Variants in NEDD9 observed in about 807,000 individuals in gnomAD.
The protein encoded by NEDD9 is enhancer of filamentation 1.
In NEDD9, 26 loss-of-function variants were observed where a neutral mutation model predicts 76.6. The observed-to-expected ratio is 0.34, with a 90% CI of 0.25 to 0.47. The LOEUF (loss-of-function observed/expected upper bound fraction) is 0.47. Ranked by LOEUF, NEDD9 falls within the 20% of genes least tolerant of loss-of-function variation. The pLI, the probability that NEDD9 is intolerant of heterozygous loss-of-function variation, is 1.00. For synonymous variants in NEDD9, 392 were observed against 414.2 expected (o/e 0.95, Z 0.65); for missense variants, 937 against 1,058.5 (o/e 0.89, Z 1.59).
chr6:11,340,730 A>T (rs1051467594), intron 1 of NEDD9, among the ~76,000 whole-genome samples: 1 of 152,210 alleles, frequency 6.6e-6, no homozygotes, highest in African/African-American at 2.4e-5. Context: ...TAGTCAATAG[A>T]TTCTCTCAAT....
At chr6:11,245,834 T>TA (rs1334377202) in intron 3 of NEDD9, among the ~76,000 whole-genome samples, 2 of 152,276 alleles carry the variant, frequency 1.3e-5, no homozygotes, top group East Asian at 3.9e-4. Context: ...TTATGGACCT[T>TA]AAAAAAAGCC....
intron 2 of NEDD9, chr6:11,201,195 G>A (rs1376761265): frequency 1.6e-5 from 13 of 837,900 alleles, no homozygotes; most frequent in Admixed American, 4.2e-5. Context: ...CTGGGATGGG[G>A]CAGAGCAGCG....
intron 2 of NEDD9, among the ~76,000 whole-genome samples, chr6:11,307,523 A>G (rs888329289): frequency 6.6e-6 from 1 of 152,050 alleles, no homozygotes; most frequent in Non-Finnish European, 1.5e-5. Flanking sequence ...TTGCTTCTTT[A>G]GGTACTCACA....
intron 3 of NEDD9, among the ~76,000 whole-genome samples, chr6:11,301,845 C>T (rs1761053433): frequency 6.6e-6 from 1 of 152,186 alleles, no homozygotes; most frequent in Non-Finnish European, 1.5e-5. Context: ...ACACCAGAAT[C>T]TCTGGGATAC....
At chr6:11,324,580 C>T (rs983780629) in intron 2 of NEDD9, among the ~76,000 whole-genome samples, 85 of 152,186 alleles carry the variant, frequency 5.6e-4, no homozygotes, top group Non-Finnish European at 2.1e-4. Flanking sequence ...CCTCTTGAAA[C>T]TTGTATTTTG....
rs150922117 is a variant in NEDD9 at position 11,190,291 on chromosome 6, G to A, written c.1578C>T (p.Asp526=). ...LAINKPQNKC[D]DLDRFVMVAK... ...CCACCATCACAAACCGGTCCAGATC[G>A]TCACACTTGTTCTGGGGCTTGTTGA... is the stretch of plus-strand genomic sequence containing the variant. The change falls in exon 5 of 7, where the codon GAC becomes GAT. Residue 526 remains aspartate, a synonymous_variant. Transcript: ENST00000379446. This position sits in a 1 kb window ranked among gnomAD's most constrained non-coding sequence, Gnocchi z 5.8. 193 of 1,614,122 alleles carry A rather than the reference G, an allele frequency of 1.2e-4. No homozygotes were observed. The highest frequency in any genetic ancestry group is 3.3e-4 in the East Asian group (15 of 44,896).
chr6:11,369,206 T>C (rs1270634413), intron 1 of NEDD9, among the ~76,000 whole-genome samples: 1 of 152,250 alleles, frequency 6.6e-6, no homozygotes, highest in Non-Finnish European at 1.5e-5. Context: ...GCTTTGTGAA[T>C]GTTCCCATGC....
At chr6:11,229,957 A>G (rs1759422575) in intron 1 of NEDD9, among the ~76,000 whole-genome samples, 1 of 152,218 alleles carries the variant, frequency 6.6e-6, no homozygotes, top group African/African-American at 2.4e-5. Flanking sequence ...CCAGATAATC[A>G]GGTTAACAAC....
chr6:11,227,084 T>C (rs1489422882), intron 1 of NEDD9, among the ~76,000 whole-genome samples: 1 of 152,208 alleles, frequency 6.6e-6, no homozygotes, highest in Non-Finnish European at 1.5e-5. Flanking sequence ...AGTCTTGTAA[T>C]TTCAGGAATA....
At chr6:11,378,338 C>T (rs971057629) in intron 1 of NEDD9, among the ~76,000 whole-genome samples, 9 of 152,344 alleles carry the variant, frequency 5.9e-5, no homozygotes, top group African/African-American at 1.7e-4. Context: ...TCATCTTTCA[C>T]CATGACTGTA....
intron 2 of NEDD9, among the ~76,000 whole-genome samples, chr6:11,333,636 C>T (rs767504407): frequency 8.5e-5 from 13 of 152,184 alleles, no homozygotes; most frequent in Non-Finnish European, 7.3e-5. Flanking sequence ...TCCCTCCTGG[C>T]AGGGAAGGCT....
In NEDD9 at chr6:11,377,952, G is replaced by A. The variant is rs377375670; in HGVS notation, c.-214+4187C>T. On this transcript the variant is annotated intron_variant, in intron 1 of 3. Transcript: ENST00000397378. ...TCTTCAATTAGTTTACATGAGATCT[G>A]GTTGTTTAGGCCAGGCGCAGTGGCT... is the stretch of plus-strand genomic sequence containing the variant. 7.9e-5 allele frequency among the ~76,000 whole-genome samples: 12 copies of A among 152,236 alleles called. No individual in the cohort carries two copies. The East Asian group carries it at 9.7e-4, about 12-fold the overall frequency.
intron 1 of NEDD9, among the ~76,000 whole-genome samples, chr6:11,216,347 C>A (rs182644409): frequency 5.4e-4 from 83 of 152,342 alleles, no homozygotes; most frequent in Non-Finnish European, 1.1e-3. Context: ...CTACATCCAG[C>A]CACTCTCCTA....
At chr6:11,209,970 C>CTTTT (rs752612102) in intron 2 of NEDD9, among the ~76,000 whole-genome samples, 3 of 131,072 alleles carry the variant, frequency 2.3e-5, no homozygotes, top group South Asian at 2.6e-4. Context: ...AATTCACTGT[C>CTTTT]TTTTTTTTTT....
intron 1 of NEDD9, among the ~76,000 whole-genome samples, chr6:11,362,015 C>T (rs562089882): frequency 2.0e-5 from 3 of 152,308 alleles, no homozygotes; most frequent in Admixed American, 6.5e-5. Context: ...GTGCTGCTTG[C>T]AATGAACTGA....
At chr6:11,224,433 G>A (rs1025001526) in intron 1 of NEDD9, among the ~76,000 whole-genome samples, 3 of 152,128 alleles carry the variant, frequency 2.0e-5, no homozygotes, top group African/African-American at 4.8e-5. Flanking sequence ...TGAGTGGAGA[G>A]GGTCAGGGAA....
rs1173952322 is a variant in NEDD9, at chr6:11,184,105, T to G, written c.*1057A>C. 6.6e-6 allele frequency: 1 copy of G among 152,178 alleles called. No individual in the cohort carries two copies. The highest frequency in any genetic ancestry group is 1.5e-5 in the Non-Finnish European group (1 of 68,034). The allele number at this position is 152,178 out of a possible 1,614,324, so 9.4% of individuals were successfully genotyped here. On this transcript the variant is annotated 3_prime_UTR_variant, in exon 7 of 7. Transcript: ENST00000379446. ...CTGCATATGTGAGTTTTAAAGAAGGTGCAAGATAGCAATAAATTCCCTTAG... is the reference window on the plus strand; with the variant it reads ...CTGCATATGTGAGTTTTAAAGAAGGGGCAAGATAGCAATAAATTCCCTTAG...
At chr6:11,348,023 C>T (rs1209621309) in intron 1 of NEDD9, among the ~76,000 whole-genome samples, 1 of 152,142 alleles carries the variant, frequency 6.6e-6, no homozygotes, top group Non-Finnish European at 1.5e-5. Flanking sequence ...TGACATGATC[C>T]TATAGCTAGA....
intron 1 of NEDD9, among the ~76,000 whole-genome samples, chr6:11,350,199 A>C (rs979185638): frequency 1.3e-5 from 2 of 152,356 alleles, no homozygotes; most frequent in East Asian, 3.9e-4. Context: ...TTTCATGTAC[A>C]TCCAGTCCTA....
Sources: allele counts gnomAD v4.1 joint callset (sites outside exome capture counted in the v4.1 genomes callset), GRCh38; gene constraint gnomAD v4.1.1; non-coding constraint Gnocchi (gnomAD v3.1); transcripts MANE v1.5; gene names NCBI Gene and HGNC (gene_info 2026-07-23, HGNC 2026-07-21).